SMC5: variants seen among roughly 807,000 people sequenced by gnomAD.
The protein encoded by SMC5 is structural maintenance of chromosomes 5.
Under a neutral mutation model 148.3 loss-of-function variants are expected in SMC5, and 88 were observed. The ratio of observed to expected loss-of-function variants is 0.59; its 90% CI spans 0.50 to 0.71. The LOEUF (loss-of-function observed/expected upper bound fraction) is 0.71, where lower values mean the gene tolerates loss of function less well. Ranked by LOEUF, SMC5 falls within the 30% of genes least tolerant of loss-of-function variation. The pLI is 0.00. For missense variants in SMC5, 1,142 were observed against 1,298.9 expected, an observed-to-expected ratio of 0.88 and a Z score of 1.86; for synonymous variants, 421 against 432.8, an observed-to-expected ratio of 0.97 and a Z score of 0.34.
intron 8 of SMC5, among the ~76,000 whole-genome samples, chr9:70,290,369 T>TA (rs2035025773): frequency 6.6e-6 from 1 of 152,162 alleles, no homozygotes; most frequent in East Asian, 1.9e-4. Flanking sequence ...AACCAGATAT[T>TA]GCAGAAAGGG....
intron 17 of SMC5, among the ~76,000 whole-genome samples, chr9:70,343,537 G>A (rs949784886): frequency 4.6e-5 from 7 of 152,024 alleles, no homozygotes; most frequent in Non-Finnish European, 8.8e-5. Context: ...TTACATGACC[G>A]GGCCTGGTGG....
chr9:70,268,415 C>T (rs1299421806), intron 3 of SMC5, among the ~76,000 whole-genome samples: 2 of 151,946 alleles, frequency 1.3e-5, no homozygotes, highest in Admixed American at 1.3e-4. Flanking sequence ...CACTGCACTC[C>T]AGCCTGGGAG....
intron 11 of SMC5, among the ~76,000 whole-genome samples, chr9:70,307,044 CT>C (rs2035520274): frequency 6.6e-6 from 1 of 152,176 alleles, no homozygotes; most frequent in Admixed American, 6.6e-5. Context: ...AATCACCTCA[CT>C]TTTTGTTACT....
Position 70,277,433 on chromosome 9 carries a change from A to T in SMC5, c.504A>T (p.Leu168Phe). The T allele has an allele frequency of 6.2e-7, 1 of 1,600,442 alleles. No homozygotes were observed. The highest frequency in any genetic ancestry group is 8.5e-7 in the Non-Finnish European group (1 of 1,174,424). Residue 168 changes from leucine to phenylalanine, a missense_variant, in exon 4 of 25, where the codon TTA becomes TTT. Physicochemically the swap from Leu to Phe is conservative, Grantham distance 22. Around this residue, in one of 5 missense-constraint regions of SMC5, gnomAD observed 297 missense variants for 302.6 expected, o/e 0.98. Coordinates refer to ENST00000361138, the MANE Select transcript of SMC5 (RefSeq NM_015110.4). ...TAGTGGAAGAGAAAGTTGCAGCCTT[A>T]AATATTCAAGTGGGGAATCTTTGCC... ...QKIVEEKVAA[L>F]NIQVGNLCQF...
intron 20 of SMC5, 118 bp downstream of exon 20, chr9:70,347,279 C>A: frequency 1.5e-6 from 1 of 684,846 alleles, no homozygotes; most frequent in East Asian, 2.8e-5. Flanking sequence ...TACTAGAGCT[C>A]TTGGTAATAA....
rs115033150 is a variant in SMC5, at chr9:70,282,391, A to G, written c.820-31A>G. The stretch of plus-strand genomic sequence containing the variant: ...TATATGTGTTAGTTTAAGGTAGGGC[A>G]TTAACTTCTGTTTGTTGAATTATTT... On this transcript the variant is annotated intron_variant, in intron 6 of 24. Transcript: ENST00000361138. The G allele has an allele frequency of 1.3e-4, 201 of 1,566,886 alleles. No individual in the cohort carries two copies. The African/African-American group carries it at 2.2e-3, about 17-fold the overall frequency.
chr9:70,350,554 C>G, intron 24 of SMC5, 83 bp downstream of exon 24: 1 of 858,300 alleles, frequency 1.2e-6, no homozygotes, highest in Non-Finnish European at 1.8e-6. Flanking sequence ...CCAACATGCA[C>G]ATATTAGCAG....
intron 3 of SMC5, among the ~76,000 whole-genome samples, chr9:70,273,600 A>G (rs540693360): frequency 5.9e-5 from 9 of 152,274 alleles, no homozygotes; most frequent in Non-Finnish European, 1.3e-4. Flanking sequence ...AGTTAACGTT[A>G]AAAATGTCCC....
At chr9:70,313,869 A>G (rs536333080) in intron 11 of SMC5, among the ~76,000 whole-genome samples, 3 of 152,298 alleles carry the variant, frequency 2.0e-5, no homozygotes, top group African/African-American at 4.8e-5. Context: ...ATTATCAATT[A>G]TCTTCTTCCA....
chr9:70,346,995 T>G lies in SMC5; in HGVS notation c.2569-71T>G. 4 of 1,112,908 alleles carry G rather than the reference T, an allele frequency of 3.6e-6. No homozygotes were observed. The South Asian group carries it at 4.1e-5, about 11-fold the overall frequency. 68.9% of individuals were successfully genotyped at this position (1,112,908 alleles called of 1,614,324 possible). A position where few individuals can be genotyped will look rare whatever the true frequency, so the allele number is the denominator to read the frequency against. ...CAGATAGATAACTTATTCAGCAGATTATTTTTCTTTTAACTATTTGAATGG... is the reference window on the plus strand; with the variant it reads ...CAGATAGATAACTTATTCAGCAGATGATTTTTCTTTTAACTATTTGAATGG... On this transcript the variant is annotated intron_variant, in intron 19 of 24. Coordinates refer to ENST00000361138, the MANE Select transcript of SMC5 (RefSeq NM_015110.4).
chr9:70,318,754 A>G (rs971797685), intron 14 of SMC5, 40 bp from the exon 15 acceptor site: 1 of 1,552,724 alleles, frequency 6.4e-7, no homozygotes, highest in Admixed American at 2.2e-5. Flanking sequence ...TCACTGGAAC[A>G]GTTTTTTAAA....
chr9:70,307,971 T>G (rs2035551016), intron 11 of SMC5, among the ~76,000 whole-genome samples: 1 of 152,160 alleles, frequency 6.6e-6, no homozygotes, highest in African/African-American at 2.4e-5. Context: ...TTTTTGGGCC[T>G]TACAATCAGT....
At chr9:70,290,444 G>A (rs1395821127) in intron 8 of SMC5, among the ~76,000 whole-genome samples, 1 of 152,188 alleles carries the variant, frequency 6.6e-6, no homozygotes. Context: ...TAAGAATTCT[G>A]TGCCAAGAAC....
chr9:70,295,574 A>C (rs181822002), intron 8 of SMC5, among the ~76,000 whole-genome samples: 108 of 152,244 alleles, frequency 7.1e-4, no homozygotes, highest in Admixed American at 1.4e-3. Context: ...TAAGAGGTTT[A>C]GACTTACTGT....
In SMC5 at chr9:70,348,124, T is replaced by C. The variant is rs1482023477; in HGVS notation, c.2889+86T>C. ...GTACATATAAATTATTTATTTACTTTTGAGTTATATCTGTGAAAAGTTTTG... is the reference window on the plus strand; with the variant it reads ...GTACATATAAATTATTTATTTACTTCTGAGTTATATCTGTGAAAAGTTTTG... On this transcript the variant is annotated intron_variant, in intron 22 of 24. Transcript: ENST00000361138. 4.1e-6 allele frequency: 5 copies of C among 1,224,034 alleles called. No individual in the cohort carries two copies. The East Asian group carries it at 1.2e-4, about 29-fold the overall frequency. The allele number at this position is 1,224,034 out of a possible 1,614,324, so 75.8% of individuals were successfully genotyped here. A position where few individuals can be genotyped will look rare whatever the true frequency, so the allele number is the denominator to read the frequency against.
intron 7 of SMC5, among the ~76,000 whole-genome samples, chr9:70,285,637 A>T (rs2118228314): frequency 6.6e-6 from 1 of 152,310 alleles, no homozygotes; most frequent in South Asian, 2.1e-4. Context: ...GTCCAAGAAT[A>T]GTAGTCTTAG....
chr9:70,265,318 G>A (rs1470240436), intron 2 of SMC5, among the ~76,000 whole-genome samples: 1 of 152,078 alleles, frequency 6.6e-6, no homozygotes, highest in African/African-American at 2.4e-5. Flanking sequence ...AATTAGCCAG[G>A]CATGGTGGCG....
intron 2 of SMC5, among the ~76,000 whole-genome samples, chr9:70,264,894 C>T (rs2034248565): frequency 6.6e-6 from 1 of 152,130 alleles, no homozygotes; most frequent in East Asian, 1.9e-4. Context: ...TATGGTGTAG[C>T]CTATTGCTCC....
chr9:70,299,790 T>G (rs1331561347), intron 9 of SMC5, among the ~76,000 whole-genome samples: 2 of 120,772 alleles, frequency 1.7e-5, no homozygotes, highest in African/African-American at 6.4e-5. Flanking sequence ...TGGGTTTTTT[T>G]GTTTGTTTGT....
Sources: allele counts gnomAD v4.1 joint callset (sites outside exome capture counted in the v4.1 genomes callset), GRCh38; gene constraint gnomAD v4.1.1; regional missense constraint gnomAD v4.1.1; transcripts MANE v1.5; gene names NCBI Gene and HGNC (gene_info 2026-07-23, HGNC 2026-07-21).